KCNH7: variants seen among roughly 807,000 people sequenced by gnomAD.
The protein encoded by KCNH7 is potassium voltage-gated channel subfamily H member 7, also known as voltage-gated inwardly rectifying potassium channel KCNH7.
KCNH7 carries 49 observed loss-of-function variants against 120.8 expected under a neutral mutation model. The observed-to-expected ratio is 0.41, with a 90% CI of 0.32 to 0.51. KCNH7 has a LOEUF of 0.51. Ranked by LOEUF, KCNH7 falls within the 20% of genes least tolerant of loss-of-function variation. KCNH7 has a pLI of 0.38. For missense variants in KCNH7, 1,097 were observed against 1,446.6 expected, an observed-to-expected ratio of 0.76 and a Z score of 3.92; for synonymous variants, 547 against 516.1, an observed-to-expected ratio of 1.06 and a Z score of -0.81.
At chr2:162,524,867 G>A (rs950976877) in intron 3 of KCNH7, among the ~76,000 whole-genome samples, 20 of 152,028 alleles carry the variant, frequency 1.3e-4, no homozygotes, top group Admixed American at 7.2e-4. Context: ...GGTATATGAC[G>A]TTGCCTATGA....
chr2:162,770,129 G>A (rs755170960), intron 2 of KCNH7, among the ~76,000 whole-genome samples: 1 of 151,882 alleles, frequency 6.6e-6, no homozygotes, highest in Non-Finnish European at 1.5e-5. Flanking sequence ...CTGAGTACAT[G>A]GGAATTTGAT....
At chr2:162,801,866 C>T (rs1159974134) in intron 2 of KCNH7, among the ~76,000 whole-genome samples, 2 of 151,712 alleles carry the variant, frequency 1.3e-5, no homozygotes, top group Non-Finnish European at 3.0e-5. Flanking sequence ...TCAATGAGTT[C>T]CTTACAGCCT....
chr2:162,543,982 G>A (rs531410293), intron 2 of KCNH7, among the ~76,000 whole-genome samples: 2 of 152,140 alleles, frequency 1.3e-5, no homozygotes, highest in Non-Finnish European at 2.9e-5. Flanking sequence ...CCCTTAAGGA[G>A]CTTGAGATGA....
At chr2:162,490,236 T>C in intron 6 of KCNH7, among the ~76,000 whole-genome samples, 1 of 152,188 alleles carries the variant, frequency 6.6e-6, no homozygotes, top group Non-Finnish European at 1.5e-5. Context: ...ACATGTGCAC[T>C]AGGGGGATTA....
chr2:162,693,028 A>G (rs1406983263), intron 2 of KCNH7, among the ~76,000 whole-genome samples: 1 of 152,238 alleles, frequency 6.6e-6, no homozygotes, highest in Non-Finnish European at 1.5e-5. Context: ...GTAAAAAGGA[A>G]AATTTAGATT....
chr2:162,698,024 A>C (rs906705792), intron 2 of KCNH7, among the ~76,000 whole-genome samples: 4 of 152,194 alleles, frequency 2.6e-5, no homozygotes, highest in African/African-American at 9.6e-5. Context: ...TCATAGTTTC[A>C]GAGCGCATAC....
intron 2 of KCNH7, among the ~76,000 whole-genome samples, chr2:162,740,659 C>A (rs1272590185): frequency 6.6e-6 from 1 of 152,198 alleles, no homozygotes; most frequent in Non-Finnish European, 1.5e-5. Flanking sequence ...CTCAGCCTGT[C>A]AATCTTACAG....
intron 6 of KCNH7, among the ~76,000 whole-genome samples, chr2:162,484,248 CAG>C (rs199687130): frequency 0.015 from 2,200 of 148,922 alleles, 62 homozygotes; most frequent in African/African-American, 0.05. Flanking sequence ...CACACACACA[CAG>C]AGAGACACAC....
At chr2:162,376,514 G>A (rs1048777221) in intron 14 of KCNH7, among the ~76,000 whole-genome samples, 13 of 151,772 alleles carry the variant, frequency 8.6e-5, no homozygotes, top group Non-Finnish European at 1.5e-4. Context: ...ACAGGCGCCC[G>A]CCACCACTCC....
chr2:162,630,757 C>T (rs972685770), intron 2 of KCNH7, among the ~76,000 whole-genome samples: 1 of 151,986 alleles, frequency 6.6e-6, no homozygotes, highest in Admixed American at 6.6e-5. Flanking sequence ...TTGGGTCAGC[C>T]AGGGAAAATA....
intron 2 of KCNH7, among the ~76,000 whole-genome samples, chr2:162,769,567 G>T (rs1325218823): frequency 6.6e-6 from 1 of 151,984 alleles, no homozygotes; most frequent in African/African-American, 2.4e-5. Context: ...CCAAGGAAAA[G>T]GTAGAGAAAA....
intron 2 of KCNH7, among the ~76,000 whole-genome samples, chr2:162,691,520 G>A (rs1173333821): frequency 1.3e-5 from 2 of 152,020 alleles, no homozygotes; most frequent in Non-Finnish European, 2.9e-5. Context: ...TTAAAATGAT[G>A]AATTATAGGA....
intron 2 of KCNH7, among the ~76,000 whole-genome samples, chr2:162,711,491 G>A (rs1686928581): frequency 6.6e-6 from 1 of 152,334 alleles, no homozygotes; most frequent in East Asian, 1.9e-4. Context: ...AAAATCGCAA[G>A]TAGTACCCCA....
intron 2 of KCNH7, among the ~76,000 whole-genome samples, chr2:162,625,620 A>C (rs1018418869): frequency 2.6e-5 from 4 of 152,166 alleles, no homozygotes; most frequent in African/African-American, 9.7e-5. Flanking sequence ...ACAAAGAAAA[A>C]TATCAATATA....
chr2:162,697,634 A>G (rs1178916836), intron 2 of KCNH7, among the ~76,000 whole-genome samples: 1 of 152,128 alleles, frequency 6.6e-6, no homozygotes, highest in African/African-American at 2.4e-5. Context: ...GTGATAGCCC[A>G]TGCTTCTCAA....
chr2:162,454,925 T>G (rs1458964155), intron 6 of KCNH7, among the ~76,000 whole-genome samples: 2 of 152,128 alleles, frequency 1.3e-5, no homozygotes, highest in Admixed American at 1.3e-4. Context: ...TGAATACGCT[T>G]TATTTCTTTC....
intron 2 of KCNH7, among the ~76,000 whole-genome samples, chr2:162,661,746 G>A (rs1158491355): frequency 6.6e-6 from 1 of 151,934 alleles, no homozygotes; most frequent in Admixed American, 6.6e-5. Context: ...ATATTGAGAA[G>A]GAGATACTAC....
intron 1 of KCNH7, among the ~76,000 whole-genome samples, chr2:162,837,292 G>A (rs1463034969): frequency 2.0e-5 from 3 of 152,106 alleles, no homozygotes; most frequent in Non-Finnish European, 4.4e-5. Context: ...ACTAGCTTTA[G>A]TAATGAAACT....
intron 12 of KCNH7, among the ~76,000 whole-genome samples, chr2:162,388,664 GAATTATCA>G (rs2105420880): frequency 6.6e-6 from 1 of 151,862 alleles, no homozygotes; most frequent in East Asian, 1.9e-4. Flanking sequence ...AACCAGAATA[GAATTATCA>G]CTATTCTATA....
Sources: allele counts gnomAD v4.1 joint callset (sites outside exome capture counted in the v4.1 genomes callset), GRCh38; gene constraint gnomAD v4.1.1; transcripts MANE v1.5; gene names NCBI Gene and HGNC (gene_info 2026-07-23, HGNC 2026-07-21).